AGMO: variants seen among roughly 807,000 people sequenced by gnomAD.
The protein encoded by AGMO is glyceryl-ether monooxygenase.
In AGMO, 75 loss-of-function variants were observed where a neutral mutation model predicts 60.2. That is an observed-to-expected ratio of 1.25 (90% CI 1.03 to 1.51). The LOEUF is 1.51. Among genes scored for constraint, AGMO ranks in the 40% most tolerant of loss-of-function variants. AGMO has a pLI of 0.00. For missense variants in AGMO, 763 were observed against 525.5 expected (o/e 1.45, Z -4.42); for synonymous variants, 261 against 177.1 (o/e 1.47, Z -3.76).
chr7:15,555,050 T>A (rs1446186185), intron 2 of AGMO, among the ~76,000 whole-genome samples: 25 of 151,916 alleles, frequency 1.6e-4, no homozygotes, highest in Non-Finnish European at 3.5e-4. Context: ...TAGACTCATG[T>A]AATACACTCA....
chr7:15,135,716 C>T, the AGMO span, among the ~76,000 whole-genome samples: 136,984 of 151,872 alleles, frequency 0.9, 61,970 homozygotes, highest in East Asian at 1. Flanking sequence ...TATTCATCTT[C>T]ATATTTCAAG....
intron 10 of AGMO, among the ~76,000 whole-genome samples, chr7:15,374,182 G>T (rs1442573574): frequency 2.6e-5 from 4 of 151,518 alleles, no homozygotes; most frequent in African/African-American, 4.9e-5. Context: ...AATCTGTCTT[G>T]AAAGAATTTC....
At chr7:15,412,601 T>A (rs1278406407) in intron 5 of AGMO, among the ~76,000 whole-genome samples, 4 of 151,194 alleles carry the variant, frequency 2.6e-5, no homozygotes, top group Non-Finnish European at 5.9e-5. Context: ...TCAATTGCTG[T>A]CTGGTGCTAG....
chr7:15,240,006 T>C (rs974610104), intron 12 of AGMO, among the ~76,000 whole-genome samples: 2 of 152,128 alleles, frequency 1.3e-5, no homozygotes, highest in African/African-American at 2.4e-5. Flanking sequence ...TTTTAACTCA[T>C]TATGAAACAA....
intron 12 of AGMO, among the ~76,000 whole-genome samples, chr7:15,354,376 G>GTATATAGACGTGTA (rs139525407): frequency 3.1e-5 from 1 of 31,778 alleles, no homozygotes; most frequent in Admixed American, 3.0e-4. Flanking sequence ...ATAGACGTGT[G>GTATATAGACGTGTA]TATACACGTG....
intron 5 of AGMO, among the ~76,000 whole-genome samples, chr7:15,417,395 ATTG>A (rs1562496763): frequency 6.6e-6 from 1 of 152,142 alleles, no homozygotes; most frequent in East Asian, 1.9e-4. Flanking sequence ...CTGAGGCACT[ATTG>A]TTCTGTATCC....
At chr7:15,382,541 A>G (rs1331035264) in intron 10 of AGMO, among the ~76,000 whole-genome samples, 1 of 152,222 alleles carries the variant, frequency 6.6e-6, no homozygotes, top group Admixed American at 6.5e-5. Context: ...CTTAAATAAA[A>G]TGAAATAAAA....
chr7:15,488,331 A>T (rs1163948031), intron 3 of AGMO, among the ~76,000 whole-genome samples: 1 of 152,250 alleles, frequency 6.6e-6, no homozygotes, highest in African/African-American at 2.4e-5. Context: ...CACAATGCAT[A>T]CTTAAAGCCA....
chr7:15,381,973 T>C (rs1783711647), intron 10 of AGMO, among the ~76,000 whole-genome samples: 1 of 151,982 alleles, frequency 6.6e-6, no homozygotes, highest in African/African-American at 2.4e-5. Flanking sequence ...CGCTAAATGA[T>C]GAGAACACAT....
intron 3 of AGMO, among the ~76,000 whole-genome samples, chr7:15,526,021 G>C (rs1041627946): frequency 3.3e-5 from 5 of 152,146 alleles, no homozygotes; most frequent in Non-Finnish European, 7.3e-5. Context: ...TTAGAACCAC[G>C]GGCCGCAGCT....
At chr7:15,512,141 C>T (rs902562686) in intron 3 of AGMO, among the ~76,000 whole-genome samples, 8 of 152,122 alleles carry the variant, frequency 5.3e-5, no homozygotes, top group African/African-American at 1.9e-4. Context: ...ACTGATACAA[C>T]AGTTACAACT....
At chr7:15,324,967 G>A (rs1781292057) in intron 12 of AGMO, among the ~76,000 whole-genome samples, 1 of 151,860 alleles carries the variant, frequency 6.6e-6, no homozygotes, top group African/African-American at 2.4e-5. Context: ...AATCTCTGTA[G>A]GCCACTCCAA....
At chr7:15,217,887 T>C (rs1408780833) in intron 12 of AGMO, among the ~76,000 whole-genome samples, 1 of 152,034 alleles carries the variant, frequency 6.6e-6, no homozygotes, top group Non-Finnish European at 1.5e-5. Context: ...TGAGAAATAT[T>C]ATTATTTATT....
In AGMO at chr7:15,385,459, A is replaced by G. The variant is rs1055438899; in HGVS notation, c.1061T>C (p.Phe354Ser). 8 of 1,585,926 alleles carry G rather than the reference A, an allele frequency of 5.0e-6. 1 individual carries two copies. The East Asian group carries it at 1.1e-4, about 22-fold the overall frequency. Residue 354 changes from phenylalanine (F) to serine (S), a missense_variant, in exon 10 of 13, where the codon TTT becomes TCT. By Grantham distance (155) the Phe-to-Ser change is radical. Transcript: ENST00000342526. ...GATATTACTTACAGCTGTATCTGCAAAGGTCTCTTCATAAAATGCCAACAT... is the reference window on the plus strand; with the variant it reads ...GATATTACTTACAGCTGTATCTGCAGAGGTCTCTTCATAAAATGCCAACAT... ...ALMLAFYEET[F>S]ADTAALSQVT...
At chr7:15,387,054 G>A (rs1414756465) in intron 9 of AGMO, among the ~76,000 whole-genome samples, 1 of 152,050 alleles carries the variant, frequency 6.6e-6, no homozygotes, top group African/African-American at 2.4e-5. Context: ...CATTCCTAAG[G>A]CTCCCTCCGT....
chr7:15,318,714 A>G (rs1781015812), intron 12 of AGMO, among the ~76,000 whole-genome samples: 1 of 152,210 alleles, frequency 6.6e-6, no homozygotes, highest in African/African-American at 2.4e-5. Context: ...TTTAATTAAA[A>G]TATTTTTAAA....
rs118172864 is a variant in AGMO at position 15,368,797 on chromosome 7, T to G, written c.1075-2575A>C. ...AGATGAAATAAGTACATGTATTTAC[T>G]TTGGTTAGGAAATCTATGATCCCTG... is the stretch of plus-strand genomic sequence containing the variant. On this transcript the variant is annotated intron_variant, in intron 10 of 12. Coordinates refer to ENST00000342526, the MANE Select transcript of AGMO (RefSeq NM_001004320.2). Among the ~76,000 whole-genome samples, 46 of 152,254 alleles carry G rather than the reference T, an allele frequency of 3.0e-4. No individual in the cohort carries two copies. In the East Asian group the frequency reaches 6.9e-3, roughly 23 times the overall value.
chr7:15,367,259 A>G (rs1404992325), intron 10 of AGMO, among the ~76,000 whole-genome samples: 1 of 151,938 alleles, frequency 6.6e-6, no homozygotes, highest in Non-Finnish European at 1.5e-5. Flanking sequence ...ATTTTTTAAA[A>G]AAAATTATCT....
intron 12 of AGMO, among the ~76,000 whole-genome samples, chr7:15,208,010 C>G (rs191145364): frequency 3.3e-5 from 5 of 151,868 alleles, no homozygotes; most frequent in African/African-American, 1.2e-4. Context: ...ACAGAGAAAA[C>G]TTAGAGACAA....
Sources: allele counts gnomAD v4.1 joint callset (sites outside exome capture counted in the v4.1 genomes callset), GRCh38; gene constraint gnomAD v4.1.1; transcripts MANE v1.5; gene names NCBI Gene and HGNC (gene_info 2026-07-23, HGNC 2026-07-21).